Variants in AGPAT4 observed in about 807,000 individuals in gnomAD.
The protein encoded by AGPAT4 is 1-acylglycerol-3-phosphate O-acyltransferase 4, also known as 1-acyl-sn-glycerol-3-phosphate acyltransferase delta.
AGPAT4 carries 15 observed loss-of-function variants against 48.0 expected under a neutral mutation model. The ratio of observed to expected loss-of-function variants is 0.31; its 90% CI spans 0.21 to 0.48. AGPAT4 has a LOEUF of 0.48. AGPAT4 is among the 20% of genes least tolerant of loss of function. The pLI, the probability that AGPAT4 is intolerant of heterozygous loss-of-function variation, is 0.99. For synonymous variants in AGPAT4, 178 were observed against 198.7 expected (o/e 0.90, Z 0.88); for missense variants, 314 against 482.5 (o/e 0.65, Z 3.27).
chr6:161,199,122 G>A (rs1462207532), intron 2 of AGPAT4, among the ~76,000 whole-genome samples: 3 of 151,306 alleles, frequency 2.0e-5, no homozygotes, highest in Non-Finnish European at 4.4e-5. Context: ...AAAAAAACAC[G>A]TTAATTGGCC....
In AGPAT4 at chr6:161,140,881, T is replaced by C. The variant is rs1779228822; in HGVS notation, c.844-1261A>G. On this transcript the variant is annotated intron_variant, in intron 7 of 8. Coordinates refer to ENST00000320285, the MANE Select transcript of AGPAT4 (RefSeq NM_020133.3). The surrounding 1 kb of genome is among the most constrained non-coding windows in gnomAD (Gnocchi z 6.5). ...AGCATGCACGCCACACAAAAATGGG[T>C]GTGGGTCACAGTGAGGCCCAGTTTG... Among the ~76,000 whole-genome samples the C allele has an allele frequency of 1.3e-5, 2 of 152,116 alleles. No homozygotes were observed. Among genetic ancestry groups the C allele is most frequent in the Non-Finnish European group, 2.9e-5 (2 of 68,022 alleles).
rs184587835 is a variant in AGPAT4, at chr6:161,262,083, C to A, written c.-90+11855G>T. On this transcript the variant is annotated intron_variant, in intron 1 of 8. Transcript: ENST00000320285. This position sits in a 1 kb window ranked among gnomAD's most constrained non-coding sequence, Gnocchi z 4.9. The stretch of plus-strand genomic sequence containing the variant: ...TGTGGTCATCATTATCATCACTGTG[C>A]CATCACCACAGCCTGGGCCCTGGCT... Among the ~76,000 whole-genome samples, 1 of 152,216 alleles carries A rather than the reference C, an allele frequency of 6.6e-6. No homozygotes were observed. The highest frequency in any genetic ancestry group is 2.4e-5 in the African/African-American group (1 of 41,522).
intron 2 of AGPAT4, among the ~76,000 whole-genome samples, chr6:161,227,402 A>G (rs1188797732): frequency 6.6e-6 from 1 of 152,208 alleles, no homozygotes; most frequent in African/African-American, 2.4e-5. Flanking sequence ...GGAAGACCTG[A>G]CTGCCTTTTT....
chr6:161,260,196 GGCGATGCCTTTCATT>G (rs1447775767), intron 1 of AGPAT4, among the ~76,000 whole-genome samples: 1 of 152,156 alleles, frequency 6.6e-6, no homozygotes, highest in African/African-American at 2.4e-5. Flanking sequence ...CCTTTCCATA[GGCGATGCCTTTCATT>G]CCTGCAGACA....
chr6:161,207,267 C>T (rs1781401170), intron 2 of AGPAT4, among the ~76,000 whole-genome samples: 1 of 152,188 alleles, frequency 6.6e-6, no homozygotes, highest in Non-Finnish European at 1.5e-5. Flanking sequence ...TATAAGAGCT[C>T]CTCTCGCTCC....
chr6:161,130,438 T>G lies in AGPAT4; in HGVS notation c.*6102A>C. ...AAGCAGTCTGTAAAACCCACTCGCT[T>G]TCCCTCCTTAAATTACCTCCCTCCA... On this transcript the variant is annotated 3_prime_UTR_variant, in exon 9 of 9. Coordinates refer to ENST00000320285, the MANE Select transcript of AGPAT4 (RefSeq NM_020133.3). 6.3e-6 allele frequency: 1 copy of G among 159,172 alleles called. No individual in the cohort carries two copies. The highest frequency in any genetic ancestry group is 6.1e-5 in the Admixed American group (1 of 16,512). The allele number at this position is 159,172 out of a possible 1,614,324, so 9.9% of individuals were successfully genotyped here.
In AGPAT4 at chr6:161,154,111, G is replaced by A; in HGVS notation, c.510+38C>T. ...GGGGTCCCACGGTCACAGTCCTGCA[G>A]GAGCCCTTGGGACACAGCTGCTCTG... On this transcript the variant is annotated intron_variant, in intron 4 of 8. Transcript: ENST00000320285. This position sits in a 1 kb window ranked among gnomAD's most constrained non-coding sequence, Gnocchi z 7.8. 6.2e-7 allele frequency: 1 copy of A among 1,613,486 alleles called. No individual in the cohort carries two copies. The highest frequency in any genetic ancestry group is 8.5e-7 in the Non-Finnish European group (1 of 1,179,912).
chr6:161,273,292 C>T (rs1267417674), intron 1 of AGPAT4, among the ~76,000 whole-genome samples: 1 of 152,094 alleles, frequency 6.6e-6, no homozygotes, highest in East Asian at 1.9e-4. Context: ...TTACCAATGC[C>T]TGTTTCCTTG....
chr6:161,132,268 G>A lies in AGPAT4; in HGVS notation c.*4272C>T, dbSNP rs1004608098. ...GATCTTTGTAGGGAAGCACCCTTCT[G>A]AGATGAAACCAATTTCTTGTCCACA... On this transcript the variant is annotated 3_prime_UTR_variant, in exon 9 of 9. Coordinates refer to ENST00000320285, the MANE Select transcript of AGPAT4 (RefSeq NM_020133.3). 3 of 152,200 alleles carry A rather than the reference G, an allele frequency of 2.0e-5. No homozygotes were observed. The highest frequency in any genetic ancestry group is 4.4e-5 in the Non-Finnish European group (3 of 68,044). The allele number at this position is 152,200 out of a possible 1,614,324, so 9.4% of individuals were successfully genotyped here. A position where few individuals can be genotyped will look rare whatever the true frequency, so the allele number is the denominator to read the frequency against.
chr6:161,183,218 G>A (rs1780650720), intron 2 of AGPAT4, among the ~76,000 whole-genome samples: 1 of 152,130 alleles, frequency 6.6e-6, no homozygotes, highest in Admixed American at 6.5e-5. Context: ...GTGCTGATGT[G>A]GAGCCTGCTG....
chr6:161,136,838 C>A (rs534237405), intron 8 of AGPAT4, among the ~76,000 whole-genome samples: 2 of 152,324 alleles, frequency 1.3e-5, no homozygotes, highest in East Asian at 3.9e-4. Flanking sequence ...CAAAGCAAGG[C>A]TGCTCTGGTG....
At position 161,223,956 on chromosome 6, in the gene AGPAT4, G is replaced by A. The variant is rs189890072; in HGVS notation, c.178+8080C>T. On this transcript the variant is annotated intron_variant, in intron 2 of 8. Coordinates refer to ENST00000320285, the MANE Select transcript of AGPAT4 (RefSeq NM_020133.3). This position sits in a 1 kb window ranked among gnomAD's most constrained non-coding sequence, Gnocchi z 6.3. ...TAAAAGTTCATAGAATAAAAAGGCA[G>A]AATCAGGAAGTGTTGTTCCTCTTAG... 4.1e-4 allele frequency among the ~76,000 whole-genome samples: 62 copies of A among 152,326 alleles called. 1 individual carries two copies. Among genetic ancestry groups the A allele is most frequent in the Admixed American group, 2.6e-3 (40 of 15,300 alleles).
intron 2 of AGPAT4, among the ~76,000 whole-genome samples, chr6:161,193,208 T>C (rs1428201744): frequency 6.6e-6 from 1 of 152,250 alleles, no homozygotes; most frequent in South Asian, 2.1e-4. Context: ...GTATCTCTGC[T>C]GCATTCTGGA....
rs1277860267 is a variant in AGPAT4 at position 161,234,086 on chromosome 6, C to T, written c.-89-1784G>A. Among the ~76,000 whole-genome samples the T allele has an allele frequency of 1.3e-5, 2 of 152,152 alleles. No individual in the cohort carries two copies. The highest frequency in any genetic ancestry group is 4.8e-5 in the African/African-American group (2 of 41,442). ...GGCGGGAGGTCTCTTGGGCTCACAA[C>T]TCCCTTTGGCAGAGCAGCCCAGAAA... On this transcript the variant is annotated intron_variant, in intron 1 of 8. Transcript: ENST00000320285. This position sits in a 1 kb window ranked among gnomAD's most constrained non-coding sequence, Gnocchi z 4.4.
chr6:161,152,371 C>G (rs976059141), intron 5 of AGPAT4, among the ~76,000 whole-genome samples: 1 of 152,106 alleles, frequency 6.6e-6, no homozygotes, highest in Non-Finnish European at 1.5e-5. Context: ...GGCGCTGGCC[C>G]GGGTGTGCAG....
At position 161,212,314 on chromosome 6, in the gene AGPAT4, C is replaced by T. The variant is rs1781542588; in HGVS notation, c.178+19722G>A. On this transcript the variant is annotated intron_variant, in intron 2 of 8. Transcript: ENST00000320285. The surrounding 1 kb of genome is among the most constrained non-coding windows in gnomAD (Gnocchi z 6.1). ...GAAGATGTTTGCCTTTTTTGAAATC[C>T]TTGAGTTATCACTTTAGTTAAATGA... is the stretch of plus-strand genomic sequence containing the variant. 6.6e-6 allele frequency among the ~76,000 whole-genome samples: 1 copy of T among 152,028 alleles called. No homozygotes were observed. The highest frequency in any genetic ancestry group is 2.1e-4 in the South Asian group (1 of 4,816).
Position 161,225,235 on chromosome 6 carries a change from G to A in AGPAT4, c.178+6801C>T, listed in dbSNP as rs576973903. 6.3e-4 allele frequency among the ~76,000 whole-genome samples: 95 copies of A among 151,948 alleles called. No homozygotes were observed. Among genetic ancestry groups the A allele is most frequent in the African/African-American group, 2.2e-3 (91 of 41,440 alleles). On this transcript the variant is annotated intron_variant, in intron 2 of 8. Coordinates refer to ENST00000320285, the MANE Select transcript of AGPAT4 (RefSeq NM_020133.3). The surrounding 1 kb of genome is among the most constrained non-coding windows in gnomAD (Gnocchi z 5.0). ...GTCCCCTGTCATAACCATTTTTCCC[G>A]CCAAACCACTCACCCCGTCACTCTC...
At position 161,139,663 on chromosome 6, in the gene AGPAT4, C is replaced by G; in HGVS notation, c.844-43G>C. On this transcript the variant is annotated intron_variant, in intron 7 of 8. Coordinates refer to ENST00000320285, the MANE Select transcript of AGPAT4 (RefSeq NM_020133.3). The surrounding 1 kb of genome is among the most constrained non-coding windows in gnomAD (Gnocchi z 9.1). ...GGACCCTCAGACGCCACACGGGGCT[C>G]GGTGGCAGGTCCCTCCCGAGGCCCT... is the stretch of plus-strand genomic sequence containing the variant. 1.3e-6 allele frequency: 2 copies of G among 1,520,894 alleles called. No individual in the cohort carries two copies. The highest frequency in any genetic ancestry group is 1.8e-6 in the Non-Finnish European group (2 of 1,121,082). 94.2% of individuals were successfully genotyped at this position (1,520,894 alleles called of 1,614,324 possible).
At chr6:161,151,833 G>A (rs1199271006) in intron 5 of AGPAT4, among the ~76,000 whole-genome samples, 1 of 152,222 alleles carries the variant, frequency 6.6e-6, no homozygotes, top group African/African-American at 2.4e-5. Context: ...CTGGGAGGTG[G>A]AGCGGGGGAC....
Sources: allele counts gnomAD v4.1 joint callset (sites outside exome capture counted in the v4.1 genomes callset), GRCh38; gene constraint gnomAD v4.1.1; non-coding constraint Gnocchi (gnomAD v3.1); transcripts MANE v1.5; gene names NCBI Gene and HGNC (gene_info 2026-07-23, HGNC 2026-07-21).